TUSC3: variants seen among roughly 807,000 people sequenced by gnomAD.
TUSC3 encodes the protein tumor suppressor candidate 3.
TUSC3 carries 45 observed loss-of-function variants against 44.8 expected under a neutral mutation model. The ratio of observed to expected loss-of-function variants is 1.00; its 90% CI spans 0.79 to 1.29. TUSC3 has a LOEUF of 1.29. Among genes scored for constraint, TUSC3 ranks in the 50% most tolerant of loss-of-function variants. The pLI is 0.00. For synonymous variants in TUSC3, 212 were observed against 152.9 expected (o/e 1.39, Z -2.85); for missense variants, 519 against 437.9 (o/e 1.19, Z -1.65).
At chr8:15,508,041 C>A (rs1249099838) in intron 2 of TUSC3, among the ~76,000 whole-genome samples, 1 of 151,956 alleles carries the variant, frequency 6.6e-6, no homozygotes, top group African/African-American at 2.4e-5. Context: ...CAGGAGTTCA[C>A]GGCCAGCCTG....
the TUSC3 span, among the ~76,000 whole-genome samples, chr8:15,846,571 G>A: frequency 6.6e-6 from 1 of 152,094 alleles, no homozygotes; most frequent in African/African-American, 2.4e-5. Context: ...CATGGATGAA[G>A]CTGGAAACCA....
intron 1 of TUSC3, among the ~76,000 whole-genome samples, chr8:15,621,379 A>G (rs1805236447): frequency 6.6e-6 from 1 of 151,134 alleles, no homozygotes; most frequent in African/African-American, 2.4e-5. Context: ...ACTAAGAACA[A>G]TTAGGAGAAG....
chr8:15,668,988 T>A (rs1358329187), intron 5 of TUSC3, among the ~76,000 whole-genome samples: 1 of 151,708 alleles, frequency 6.6e-6, no homozygotes, highest in Non-Finnish European at 1.5e-5. Context: ...GTAGAGTATT[T>A]TGCAATCTTG....
At chr8:15,713,394 T>G (rs1298574114) in intron 6 of TUSC3, among the ~76,000 whole-genome samples, 2 of 152,178 alleles carry the variant, frequency 1.3e-5, no homozygotes, top group Non-Finnish European at 2.9e-5. Context: ...ACTGTCATTG[T>G]TCAAAAGAAA....
At chr8:15,538,653 G>A (rs975393261), upstream of TUSC3, among the ~76,000 whole-genome samples, 5 of 152,042 alleles carry the variant, frequency 3.3e-5, no homozygotes, top group South Asian at 4.1e-4. Context: ...TGAAAAAATC[G>A]TAACTTTATG....
chr8:15,745,073 AG>A (rs531900876), intron 8 of TUSC3, among the ~76,000 whole-genome samples: 120 of 152,244 alleles, frequency 7.9e-4, no homozygotes, highest in African/African-American at 2.8e-3. Flanking sequence ...TAATTCACTT[AG>A]GATAATGGCC....
the TUSC3 span, chr8:15,807,109 A>G: frequency 8.2e-7 from 1 of 1,225,512 alleles, no homozygotes; most frequent in African/African-American, 1.5e-5. Context: ...TGCCCGTTAT[A>G]CACAGCAAAG....
intron 1 of TUSC3, among the ~76,000 whole-genome samples, chr8:15,451,586 A>G (rs985210720): frequency 6.6e-5 from 10 of 152,178 alleles, no homozygotes; most frequent in Non-Finnish European, 1.2e-4. Context: ...CCCTTTCCCT[A>G]TACCTTGCCA....
chr8:15,634,382 T>G (rs1323797174), intron 2 of TUSC3, among the ~76,000 whole-genome samples: 1 of 152,190 alleles, frequency 6.6e-6, no homozygotes, highest in African/African-American at 2.4e-5. Context: ...CCAATCTGTT[T>G]TATTGACTAT....
At chr8:15,517,179 A>G (rs976951619) in intron 2 of TUSC3, among the ~76,000 whole-genome samples, 2 of 152,114 alleles carry the variant, frequency 1.3e-5, no homozygotes, top group African/African-American at 4.8e-5. Flanking sequence ...GATTACACCA[A>G]TTTGCCATAA....
At chr8:15,489,033 G>T (rs1283296234) in intron 2 of TUSC3, among the ~76,000 whole-genome samples, 1 of 152,160 alleles carries the variant, frequency 6.6e-6, no homozygotes, top group Non-Finnish European at 1.5e-5. Context: ...TATTTATAGA[G>T]ACTTACTCTG....
intron 2 of TUSC3, among the ~76,000 whole-genome samples, chr8:15,642,528 C>G (rs140352984): frequency 1.1e-4 from 16 of 152,238 alleles, no homozygotes; most frequent in Admixed American, 9.1e-4. Context: ...TTTCTGTAAT[C>G]TTGTGTCTAC....
chr8:15,835,743 T>G, the TUSC3 span, among the ~76,000 whole-genome samples: 1 of 152,198 alleles, frequency 6.6e-6, no homozygotes, highest in Non-Finnish European at 1.5e-5. Context: ...GGGGGATGTA[T>G]GTGTGCGTTG....
chr8:15,625,144 A>T (rs1835141), intron 2 of TUSC3, among the ~76,000 whole-genome samples: 1 of 152,020 alleles, frequency 6.6e-6, no homozygotes, highest in Non-Finnish European at 1.5e-5. Context: ...AATCAGTTAC[A>T]TTGATTGATT....
chr8:15,438,259 T>A (rs1241089601), intron 1 of TUSC3, among the ~76,000 whole-genome samples: 1 of 152,084 alleles, frequency 6.6e-6, no homozygotes, highest in Non-Finnish European at 1.5e-5. Flanking sequence ...CACGCCCAGC[T>A]AATTTTTGTA....
chr8:15,457,578 G>A (rs887275273), intron 1 of TUSC3, among the ~76,000 whole-genome samples: 1 of 150,650 alleles, frequency 6.6e-6, no homozygotes, highest in Non-Finnish European at 1.5e-5. Flanking sequence ...CATACGCTAC[G>A]AGAAAAATGT....
chr8:15,708,876 A>G (rs1474005895), intron 6 of TUSC3, among the ~76,000 whole-genome samples: 1 of 151,922 alleles, frequency 6.6e-6, no homozygotes, highest in Admixed American at 6.6e-5. Context: ...TCAGAATTTC[A>G]GATTAGGAAA....
At chr8:15,581,687 A>C (rs1803350447) in intron 1 of TUSC3, among the ~76,000 whole-genome samples, 4 of 146,978 alleles carry the variant, frequency 2.7e-5, no homozygotes, top group Non-Finnish European at 6.0e-5. Flanking sequence ...TCAGATCTCC[A>C]GCTGCGTGCT....
chr8:15,819,966 A>G, the TUSC3 span, among the ~76,000 whole-genome samples: 54 of 152,302 alleles, frequency 3.5e-4, no homozygotes, highest in African/African-American at 1.3e-3. Flanking sequence ...GATTAAAGGC[A>G]GTTATTATGT....
Sources: gnomAD v4.1 joint callset for allele counts (sites outside exome capture counted in the v4.1 genomes callset) on GRCh38, gnomAD v4.1.1 for gene constraint, MANE v1.5 for transcripts, NCBI Gene and HGNC (gene_info 2026-07-23, HGNC 2026-07-21) for gene names.